The following PEAK1 variants were observed in gnomAD, a reference collection of about 807,000 sequenced individuals.
PEAK1 encodes the protein inactive tyrosine-protein kinase PEAK1.
In PEAK1, 54 loss-of-function variants were observed where a neutral mutation model predicts 124.7. The ratio of observed to expected loss-of-function variants is 0.43; its 90% CI spans 0.35 to 0.54. The LOEUF (loss-of-function observed/expected upper bound fraction) is 0.54. Ranked by LOEUF, PEAK1 falls within the 20% of genes least tolerant of loss-of-function variation. PEAK1 has a pLI of 0.01. For missense variants in PEAK1, 2,046 were observed against 2,134.5 expected, an observed-to-expected ratio of 0.96 and a Z score of 0.82; for synonymous variants, 719 against 760.0, an observed-to-expected ratio of 0.95 and a Z score of 0.89.
At chr15:77,263,599 T>A (rs2061555680) in intron 5 of PEAK1, among the ~76,000 whole-genome samples, 1 of 152,060 alleles carries the variant, frequency 6.6e-6, no homozygotes, top group Non-Finnish European at 1.5e-5. Context: ...GCTCTGAAAT[T>A]GAGGCAATAA....
intron 1 of PEAK1, among the ~76,000 whole-genome samples, chr15:77,367,749 G>T (rs1363653249): frequency 1.3e-5 from 2 of 152,124 alleles, no homozygotes; most frequent in Non-Finnish European, 2.9e-5. Context: ...TGTTTATTTG[G>T]TGGTATTTTA....
rs2053456275 is a variant in PEAK1, at chr15:77,137,773, G to C, written c.3332-4023C>G. ...TGTTGAAATGAGTTAAGACTTTAGGGGACTGTTGGAAAGGCCTGATAGGTT... is the reference window on the plus strand; with the variant it reads ...TGTTGAAATGAGTTAAGACTTTAGGCGACTGTTGGAAAGGCCTGATAGGTT... On this transcript the variant is annotated intron_variant, in intron 8 of 9. Coordinates refer to ENST00000682557, the MANE Select transcript of PEAK1 (RefSeq NM_001385026.1). Among the ~76,000 whole-genome samples, 4 of 152,138 alleles carry C rather than the reference G, an allele frequency of 2.6e-5. No individual in the cohort carries two copies. In the South Asian group the frequency reaches 8.3e-4, roughly 32 times the overall value.
In PEAK1 at chr15:77,322,043, G is replaced by A. The variant is rs527318390; in HGVS notation, c.-602-35539C>T. Among the ~76,000 whole-genome samples, 666 of 152,214 alleles carry A rather than the reference G, an allele frequency of 4.4e-3. 6 individuals are homozygous for A. Among genetic ancestry groups the A allele is most frequent in the African/African-American group, 0.015 (604 of 41,540 alleles). On this transcript the variant is annotated intron_variant, in intron 2 of 9. Coordinates refer to ENST00000682557, the MANE Select transcript of PEAK1 (RefSeq NM_001385026.1). ...CCTGAATGACTACTGGATACATAAC[G>A]AAATGAAGGCAGAAATAAAGATGTT...
intron 1 of PEAK1, among the ~76,000 whole-genome samples, chr15:77,378,303 T>C (rs1215018562): frequency 6.6e-6 from 1 of 151,784 alleles, no homozygotes; most frequent in Non-Finnish European, 1.5e-5. Flanking sequence ...AAGCATCTCA[T>C]TTCTTTAGTA....
intron 5 of PEAK1, among the ~76,000 whole-genome samples, chr15:77,270,084 A>G (rs112405578): frequency 0.015 from 2,337 of 152,248 alleles, 64 homozygotes; most frequent in African/African-American, 0.053. Flanking sequence ...ACTTCCAACT[A>G]TGTGGTCAAT....
At chr15:77,401,525 T>C in intron 1 of PEAK1, 1 of 974,118 alleles carries the variant, frequency 1.0e-6, no homozygotes. Flanking sequence ...AATACTCACC[T>C]AAAATCACAT....
chr15:77,397,481 CA>C (rs35123944), intron 1 of PEAK1, among the ~76,000 whole-genome samples: 1 of 149,560 alleles, frequency 6.7e-6, no homozygotes, highest in Admixed American at 6.6e-5. Context: ...AAAATAGAAA[CA>C]AAAAAAATCA....
chr15:77,282,822 C>G (rs541875520), intron 5 of PEAK1, among the ~76,000 whole-genome samples: 1 of 152,044 alleles, frequency 6.6e-6, no homozygotes, highest in African/African-American at 2.4e-5. Flanking sequence ...TTTGAAGTTT[C>G]CAGGAAACTA....
At chr15:77,372,349 T>G (rs184585921) in intron 1 of PEAK1, among the ~76,000 whole-genome samples, 1 of 152,348 alleles carries the variant, frequency 6.6e-6, no homozygotes. Flanking sequence ...GCCAGCAATT[T>G]ACTGCATTTT....
In PEAK1 at chr15:77,190,224, A is replaced by AG. The variant is rs141866839; in HGVS notation, c.-114-8185dup. 6.7e-3 allele frequency among the ~76,000 whole-genome samples: 1,017 copies of AG among 152,356 alleles called. 12 individuals are homozygous for AG. The highest frequency in any genetic ancestry group is 0.023 in the African/African-American group (969 of 41,582). On this transcript the variant is annotated intron_variant, in intron 6 of 9. Coordinates refer to ENST00000682557, the MANE Select transcript of PEAK1 (RefSeq NM_001385026.1). ...AAACATTTATAATTTAGACTTTTAA[A>AG]GGGAAAAAGTACTTCTAAATTAATG...
At chr15:77,226,060 T>TATATATATATATATATATA (rs1261659735) in intron 6 of PEAK1, among the ~76,000 whole-genome samples, 1 of 89,032 alleles carries the variant, frequency 1.1e-5, no homozygotes, top group Non-Finnish European at 2.7e-5. Context: ...TATATATATA[T>TATATATATATATATATATA]ATATATATAT....
chr15:77,253,049 C>T (rs1376373671), intron 5 of PEAK1, among the ~76,000 whole-genome samples: 1 of 152,010 alleles, frequency 6.6e-6, no homozygotes, highest in Non-Finnish European at 1.5e-5. Context: ...TACATGTCTA[C>T]CTATTTCTGA....
intron 5 of PEAK1, among the ~76,000 whole-genome samples, chr15:77,274,419 A>G (rs1026163998): frequency 2.5e-4 from 38 of 152,070 alleles, no homozygotes; most frequent in African/African-American, 8.7e-4. Context: ...CAAATTAGCA[A>G]GAAAAAAAAA....
chr15:77,285,713 G>T (rs2062891531), intron 3 of PEAK1, among the ~76,000 whole-genome samples: 1 of 151,896 alleles, frequency 6.6e-6, no homozygotes, highest in Admixed American at 6.6e-5. Context: ...TATCCCCTAT[G>T]TCATTTTTTT....
At chr15:77,401,990 G>A in intron 1 of PEAK1, 1 of 844,636 alleles carries the variant, frequency 1.2e-6, no homozygotes, top group Non-Finnish European at 1.4e-6. Flanking sequence ...CCTGAGGTAA[G>A]GAGTTCAAGA....
chr15:77,163,942 G>A (rs2055881661), intron 7 of PEAK1, among the ~76,000 whole-genome samples: 1 of 152,154 alleles, frequency 6.6e-6, no homozygotes, highest in African/African-American at 2.4e-5. Flanking sequence ...CCAGAGCTGC[G>A]TATTTCTGGG....
chr15:77,356,685 TTCAACAA>T (rs2141504140), intron 2 of PEAK1, among the ~76,000 whole-genome samples: 1 of 152,152 alleles, frequency 6.6e-6, no homozygotes, highest in African/African-American at 2.4e-5. Context: ...GTCTTTACGT[TTCAACAA>T]TAACCCAGTT....
chr15:77,168,391 G>A (rs2056274220), intron 7 of PEAK1, among the ~76,000 whole-genome samples: 1 of 152,148 alleles, frequency 6.6e-6, no homozygotes, highest in African/African-American at 2.4e-5. Context: ...CTTACCAGGG[G>A]TAAGCGAACT....
At chr15:77,290,685 G>T (rs1028726306) in intron 2 of PEAK1, among the ~76,000 whole-genome samples, 1 of 152,124 alleles carries the variant, frequency 6.6e-6, no homozygotes, top group Non-Finnish European at 1.5e-5. Flanking sequence ...TGGTAGCTGG[G>T]ACTACGGGTG....
Sources: gnomAD v4.1 joint callset for allele counts (sites outside exome capture counted in the v4.1 genomes callset) on GRCh38, gnomAD v4.1.1 for gene constraint, MANE v1.5 for transcripts, NCBI Gene and HGNC (gene_info 2026-07-23, HGNC 2026-07-21) for gene names.